Variants in KHDRBS2 observed in about 807,000 individuals in gnomAD.
KHDRBS2 encodes the protein KH domain-containing, RNA-binding, signal transduction-associated protein 2.
KHDRBS2 carries 26 observed loss-of-function variants against 44.3 expected under a neutral mutation model. The ratio of observed to expected loss-of-function variants is 0.59; its 90% CI spans 0.43 to 0.81. The LOEUF (loss-of-function observed/expected upper bound fraction) is 0.81, where lower values mean the gene tolerates loss of function less well. Among genes scored for constraint, KHDRBS2 ranks in the 40% least tolerant of loss-of-function variants. The pLI, the probability that KHDRBS2 is intolerant of heterozygous loss-of-function variation, is 0.00. For synonymous variants in KHDRBS2, 194 were observed against 151.1 expected (o/e 1.28, Z -2.08); for missense variants, 476 against 433.1 (o/e 1.10, Z -0.88).
chr6:61,869,055 A>G (rs931742394), intron 6 of KHDRBS2, among the ~76,000 whole-genome samples: 3 of 152,128 alleles, frequency 2.0e-5, no homozygotes, highest in African/African-American at 7.2e-5. Context: ...TTGCACATTC[A>G]TTCACTGCTT....
At chr6:62,280,178 G>T (rs1841599852) in intron 1 of KHDRBS2, among the ~76,000 whole-genome samples, 1 of 152,222 alleles carries the variant, frequency 6.6e-6, no homozygotes, top group African/African-American at 2.4e-5. Context: ...GAGAAATTAA[G>T]CAGAAAGGCT....
chr6:62,008,341 T>C (rs1241189289), intron 3 of KHDRBS2, among the ~76,000 whole-genome samples: 1 of 152,178 alleles, frequency 6.6e-6, no homozygotes, highest in Non-Finnish European at 1.5e-5. Flanking sequence ...ATTTATGTTA[T>C]ATGTTTTATT....
intron 5 of KHDRBS2, among the ~76,000 whole-genome samples, chr6:61,896,640 C>A (rs939147395): frequency 6.6e-6 from 1 of 152,130 alleles, no homozygotes; most frequent in Non-Finnish European, 1.5e-5. Flanking sequence ...TAGGATACTG[C>A]CCCTGGCTAA....
At chr6:61,617,388 G>A in the KHDRBS2 span, among the ~76,000 whole-genome samples, 1 of 151,668 alleles carries the variant, frequency 6.6e-6, no homozygotes, top group Non-Finnish European at 1.5e-5. Flanking sequence ...CAGTCTCATT[G>A]TCCTAGTTAT....
chr6:62,003,000 A>G (rs1433355276), intron 3 of KHDRBS2, among the ~76,000 whole-genome samples: 1 of 152,150 alleles, frequency 6.6e-6, no homozygotes, highest in Non-Finnish European at 1.5e-5. Context: ...TAAAAATTTC[A>G]TAGTTAAACC....
chr6:62,211,609 A>T (rs998210929), intron 1 of KHDRBS2, among the ~76,000 whole-genome samples: 2 of 152,166 alleles, frequency 1.3e-5, no homozygotes, highest in Non-Finnish European at 2.9e-5. Context: ...ATGACTTTTT[A>T]AAAAAACATT....
intron 7 of KHDRBS2, among the ~76,000 whole-genome samples, chr6:61,701,927 G>T (rs1156933045): frequency 6.6e-6 from 1 of 151,954 alleles, no homozygotes; most frequent in African/African-American, 2.4e-5. Context: ...TTGCCAAATT[G>T]TAAAGAACTA....
At chr6:61,641,152 A>G in the KHDRBS2 span, among the ~76,000 whole-genome samples, 1 of 152,086 alleles carries the variant, frequency 6.6e-6, no homozygotes, top group South Asian at 2.1e-4. Context: ...CCATTTTCCT[A>G]TGGATTACTT....
At chr6:61,804,880 C>G (rs1038158620) in intron 6 of KHDRBS2, among the ~76,000 whole-genome samples, 1 of 152,128 alleles carries the variant, frequency 6.6e-6, no homozygotes, top group Non-Finnish European at 1.5e-5. Context: ...AGAACTGCCA[C>G]GAAGGCCTCT....
the KHDRBS2 span, among the ~76,000 whole-genome samples, chr6:61,547,955 C>A: frequency 2.0e-5 from 3 of 152,104 alleles, no homozygotes; most frequent in Non-Finnish European, 4.4e-5. Context: ...CATTTTAACA[C>A]TTTACTAATT....
At chr6:61,989,009 G>T (rs1021349070) in intron 3 of KHDRBS2, among the ~76,000 whole-genome samples, 3 of 152,124 alleles carry the variant, frequency 2.0e-5, no homozygotes, top group Non-Finnish European at 1.5e-5. Context: ...CAAAATGTAT[G>T]GTGTTAAAAG....
At chr6:61,955,765 A>G (rs890918008) in intron 4 of KHDRBS2, among the ~76,000 whole-genome samples, 3 of 151,674 alleles carry the variant, frequency 2.0e-5, no homozygotes, top group African/African-American at 7.3e-5. Context: ...GAGAGAGAGA[A>G]TGTAACCACT....
chr6:61,883,479 G>T (rs1583318254), intron 6 of KHDRBS2, among the ~76,000 whole-genome samples: 1 of 152,006 alleles, frequency 6.6e-6, no homozygotes, highest in African/African-American at 2.4e-5. Flanking sequence ...TAAAGTACAG[G>T]TTTGGATATA....
chr6:61,847,015 T>A (rs1228924857), intron 6 of KHDRBS2, among the ~76,000 whole-genome samples: 1 of 152,022 alleles, frequency 6.6e-6, no homozygotes, highest in Non-Finnish European at 1.5e-5. Flanking sequence ...TTGAGAAATA[T>A]ACCTTGATTT....
chr6:62,067,847 T>C lies in KHDRBS2; in HGVS notation c.220-19853A>G, dbSNP rs559040474. Among the ~76,000 whole-genome samples, 6 of 151,758 alleles carry C rather than the reference T, an allele frequency of 4.0e-5. No homozygotes were observed. In the East Asian group the frequency reaches 5.9e-4, roughly 15 times the overall value. ...AATACGGTCGTACAACATGTGGTTT[T>C]TCCTTTAGCTTACTGTCTTTTAGGT... On this transcript the variant is annotated intron_variant, in intron 2 of 8. Coordinates refer to ENST00000281156, the MANE Select transcript of KHDRBS2 (RefSeq NM_152688.4).
At chr6:62,199,766 C>T (rs952624792) in intron 1 of KHDRBS2, among the ~76,000 whole-genome samples, 53 of 152,166 alleles carry the variant, frequency 3.5e-4, no homozygotes, top group East Asian at 1.9e-4. Context: ...AAAAAGAGCC[C>T]GCATTGCCAA....
rs1315466294 is a variant in KHDRBS2 at position 61,993,229 on chromosome 6, T to C, written c.337-15017A>G. Among the ~76,000 whole-genome samples the C allele has an allele frequency of 2.0e-5, 3 of 151,934 alleles. No individual in the cohort carries two copies. The East Asian group carries it at 5.8e-4, about 29-fold the overall frequency. Reference sequence around the variant, plus strand: ...ATCTTATTTCATGTGGCCCAGAAAATATGTTTGCCAGGAGAGAAACTTTTC... The same window carrying C: ...ATCTTATTTCATGTGGCCCAGAAAACATGTTTGCCAGGAGAGAAACTTTTC... On this transcript the variant is annotated intron_variant, in intron 3 of 8. Transcript: ENST00000281156.
intron 6 of KHDRBS2, among the ~76,000 whole-genome samples, chr6:61,841,775 T>C (rs527487356): frequency 8.4e-4 from 128 of 152,322 alleles, no homozygotes; most frequent in African/African-American, 3.0e-3. Context: ...GTAATTGTTC[T>C]GCTACCAGGG....
rs140419011 is a variant in KHDRBS2 at position 62,251,556 on chromosome 6, C to A, written c.91+34302G>T. On this transcript the variant is annotated intron_variant, in intron 1 of 8. Coordinates refer to ENST00000281156, the MANE Select transcript of KHDRBS2 (RefSeq NM_152688.4). ...AAGCAGTCCAAATCCAAAGTCCCTACACTTACAACAATTCTGTTTTGTTAA... is the reference window on the plus strand; with the variant it reads ...AAGCAGTCCAAATCCAAAGTCCCTAAACTTACAACAATTCTGTTTTGTTAA... Among the ~76,000 whole-genome samples the A allele has an allele frequency of 2.5e-3, 385 of 151,986 alleles. 3 individuals carry two copies. Among genetic ancestry groups the A allele is most frequent in the African/African-American group, 8.5e-3 (352 of 41,534 alleles).
Sources: allele counts gnomAD v4.1 joint callset (sites outside exome capture counted in the v4.1 genomes callset), GRCh38; gene constraint gnomAD v4.1.1; transcripts MANE v1.5; gene names NCBI Gene and HGNC (gene_info 2026-07-23, HGNC 2026-07-21).